STAU2: variants seen among roughly 807,000 people sequenced by gnomAD.
The protein encoded by STAU2 is double-stranded RNA-binding protein Staufen homolog 2.
A neutral mutation model predicts 65.9 loss-of-function variants in STAU2; 20 were observed. The ratio of observed to expected loss-of-function variants is 0.30; its 90% CI spans 0.21 to 0.44. The LOEUF (loss-of-function observed/expected upper bound fraction) is 0.44, where lower values mean the gene tolerates loss of function less well. STAU2 is among the 20% of genes least tolerant of loss of function. The pLI, the probability that STAU2 is intolerant of heterozygous loss-of-function variation, is 1.00. For missense variants in STAU2, 558 were observed against 683.9 expected (o/e 0.82, Z 2.05); for synonymous variants, 232 against 233.9 (o/e 0.99, Z 0.07).
intron 4 of STAU2, among the ~76,000 whole-genome samples, chr8:73,695,900 G>A (rs1819666422): frequency 6.6e-6 from 1 of 152,146 alleles, no homozygotes; most frequent in Non-Finnish European, 1.5e-5. Context: ...CCAATCCCTG[G>A]CTCTCAGACA....
chr8:73,485,141 CTTTTTTTTTTTT>C (rs10524978), intron 13 of STAU2, among the ~76,000 whole-genome samples: 994 of 82,890 alleles, frequency 0.012, 28 homozygotes, highest in African/African-American at 0.054. Flanking sequence ...CATCCTTACT[CTTTTTTTTTTTT>C]TTTTTTTTTT....
intron 13 of STAU2, among the ~76,000 whole-genome samples, chr8:73,481,508 C>CAAAAAAAAAAA (rs1346555942): frequency 6.4e-5 from 5 of 77,842 alleles, no homozygotes; most frequent in Admixed American, 1.6e-4. Context: ...GCCAAAAAAA[C>CAAAAAAAAAAA]AAAAAAACAA....
chr8:73,654,272 A>G (rs1235506206), intron 6 of STAU2, among the ~76,000 whole-genome samples: 4 of 152,166 alleles, frequency 2.6e-5, no homozygotes, highest in Non-Finnish European at 5.9e-5. Flanking sequence ...GGATTACATT[A>G]TATACCAGAA....
chr8:73,621,037 T>C (rs1813190804), intron 6 of STAU2, among the ~76,000 whole-genome samples: 1 of 152,224 alleles, frequency 6.6e-6, no homozygotes, highest in Non-Finnish European at 1.5e-5. Flanking sequence ...CGATATGTTC[T>C]ATTTAGTGGA....
chr8:73,571,999 C>G (rs1188765578), intron 12 of STAU2, among the ~76,000 whole-genome samples: 1 of 152,096 alleles, frequency 6.6e-6, no homozygotes, highest in Non-Finnish European at 1.5e-5. Flanking sequence ...TGATAGACCG[C>G]TAGCAAGACT....
rs1270279697 is a variant in STAU2, at chr8:73,687,322, T to TA, written c.274+1331dup. ...TATTTATAAATATAATTTATATTTATATTTATAAATATAATTTATATTTAT... is the reference window on the plus strand; with the variant it reads ...TATTTATAAATATAATTTATATTTATAATTTATAAATATAATTTATATTTAT... On this transcript the variant is annotated intron_variant, in intron 5 of 14. Coordinates refer to ENST00000524300, the MANE Select transcript of STAU2 (RefSeq NM_001164380.2). Among the ~76,000 whole-genome samples the TA allele has an allele frequency of 1.1e-4, 13 of 117,922 alleles. 1 individual carries two copies. Among genetic ancestry groups the TA allele is most frequent in the South Asian group, 7.6e-4 (3 of 3,956 alleles). The allele number at this position is 117,922 out of a possible 152,430, so 77.4% of individuals were successfully genotyped here.
chr8:73,498,012 C>T (rs1244601151), intron 13 of STAU2, among the ~76,000 whole-genome samples: 1 of 151,822 alleles, frequency 6.6e-6, no homozygotes, highest in Non-Finnish European at 1.5e-5. Context: ...ATATACTGAT[C>T]TCTTAATGTC....
intron 13 of STAU2, among the ~76,000 whole-genome samples, chr8:73,535,479 T>G (rs1031422087): frequency 1.2e-4 from 19 of 152,320 alleles, no homozygotes; most frequent in African/African-American, 4.1e-4. Context: ...GTTCTTTGCT[T>G]TTTAGTTTCC....
intron 3 of STAU2, among the ~76,000 whole-genome samples, chr8:73,714,807 C>A (rs572374042): frequency 2.6e-5 from 4 of 152,126 alleles, no homozygotes; most frequent in East Asian, 3.8e-4. Flanking sequence ...AAAGGCCAGG[C>A]GTGGTGGCTC....
At position 73,739,811 on chromosome 8, in the gene STAU2, CTTCT is replaced by C. The variant is rs1456755587; in HGVS notation, c.-143_-140del. 3 of 1,521,870 alleles carry C rather than the reference CTTCT, an allele frequency of 2.0e-6. No homozygotes were observed. The highest frequency in any genetic ancestry group is 2.5e-5 in the East Asian group (1 of 40,794). The allele number at this position is 1,521,870 out of a possible 1,614,324, so 94.3% of individuals were successfully genotyped here. A position where few individuals can be genotyped will look rare whatever the true frequency, so the allele number is the denominator to read the frequency against. On this transcript the variant is annotated 5_prime_UTR_variant, in exon 2 of 15. Transcript: ENST00000524300. ...TATCTTTGAGTTCTTCTTTTTCTGT[CTTCT>C]TTTTTTTCTTCAATCTTTAAAAAGT...
chr8:73,459,571 G>C (rs1370042050), intron 13 of STAU2, among the ~76,000 whole-genome samples: 1 of 152,066 alleles, frequency 6.6e-6, no homozygotes, highest in South Asian at 2.1e-4. Context: ...CCTGTGTGAA[G>C]TCGCCTCTCG....
chr8:73,698,634 C>T (rs1819852720), intron 4 of STAU2, among the ~76,000 whole-genome samples: 1 of 152,066 alleles, frequency 6.6e-6, no homozygotes, highest in Admixed American at 6.6e-5. Context: ...GCAACCAACA[C>T]TGGAGCACTC....
chr8:73,591,994 C>T (rs1035640364), intron 11 of STAU2, among the ~76,000 whole-genome samples: 2 of 145,956 alleles, frequency 1.4e-5, no homozygotes, highest in African/African-American at 5.0e-5. Context: ...AAATTCACAG[C>T]ATTAAATGCT....
intron 12 of STAU2, among the ~76,000 whole-genome samples, chr8:73,560,230 A>G (rs371028883): frequency 3.3e-5 from 5 of 151,960 alleles, no homozygotes; most frequent in Non-Finnish European, 7.4e-5. Flanking sequence ...ACAGGCTCCC[A>G]CCACCATGCC....
intron 3 of STAU2, among the ~76,000 whole-genome samples, chr8:73,717,911 A>C (rs1229633879): frequency 6.6e-6 from 1 of 152,252 alleles, no homozygotes; most frequent in Non-Finnish European, 1.5e-5. Context: ...AGTTCTATAA[A>C]AAAGCCTGCA....
chr8:73,572,908 C>A (rs1026133343), intron 12 of STAU2, among the ~76,000 whole-genome samples: 7 of 149,290 alleles, frequency 4.7e-5, no homozygotes, highest in African/African-American at 1.8e-4. Flanking sequence ...GGCAATCAGG[C>A]AGGAGAGAGA....
chr8:73,700,058 A>C (rs922500961), intron 4 of STAU2, among the ~76,000 whole-genome samples: 1 of 152,144 alleles, frequency 6.6e-6, no homozygotes, highest in Non-Finnish European at 1.5e-5. Flanking sequence ...ACATCAACAA[A>C]ATGAAGGACA....
intron 13 of STAU2, among the ~76,000 whole-genome samples, chr8:73,476,848 G>A (rs1410236007): frequency 2.0e-5 from 3 of 152,164 alleles, no homozygotes; most frequent in Non-Finnish European, 4.4e-5. Flanking sequence ...GGAGACAAAC[G>A]CTCGTGAGAG....
intron 10 of STAU2, among the ~76,000 whole-genome samples, chr8:73,596,100 A>C (rs1811163986): frequency 6.6e-6 from 1 of 151,586 alleles, no homozygotes; most frequent in African/African-American, 2.4e-5. Context: ...GCCACAGAGC[A>C]ATACTCCATC....
Sources: allele counts gnomAD v4.1 joint callset (sites outside exome capture counted in the v4.1 genomes callset), GRCh38; gene constraint gnomAD v4.1.1; transcripts MANE v1.5; gene names NCBI Gene and HGNC (gene_info 2026-07-23, HGNC 2026-07-21).